The following TTC7A variants were observed in gnomAD, a reference collection of about 807,000 sequenced individuals.
TTC7A encodes the protein tetratricopeptide repeat domain 7A, also known as tetratricopeptide repeat protein 7A.
In TTC7A, 110 loss-of-function variants were observed where a neutral mutation model predicts 103.7. That is an observed-to-expected ratio of 1.06 (90% confidence interval 0.91 to 1.24). TTC7A has a LOEUF of 1.24. TTC7A is among the 50% of genes most tolerant of loss of function. The pLI is 0.00. For synonymous variants in TTC7A, 521 were observed against 467.9 expected, an observed-to-expected ratio of 1.11 and a Z score of -1.47; for missense variants, 1,340 against 1,116.3, an observed-to-expected ratio of 1.20 and a Z score of -2.86.
chr2:47,057,855 C>G (rs1683445283), intron 18 of TTC7A, among the ~76,000 whole-genome samples: 1 of 152,216 alleles, frequency 6.6e-6, no homozygotes, highest in African/African-American at 2.4e-5. Flanking sequence ...GACCTAGCCC[C>G]TCTTGAGTGC....
intron 2 of TTC7A, among the ~76,000 whole-genome samples, chr2:46,924,139 G>C (rs1469513877): frequency 1.3e-5 from 2 of 151,564 alleles, no homozygotes; most frequent in African/African-American, 4.9e-5. Flanking sequence ...AGGAAGTCAA[G>C]GCTGCAGTGA....
intron 15 of TTC7A, among the ~76,000 whole-genome samples, chr2:47,033,501 G>T (rs1339707308): frequency 6.6e-6 from 1 of 152,238 alleles, no homozygotes; most frequent in African/African-American, 2.4e-5. Flanking sequence ...TGCCACAGGG[G>T]AGGAAACTGG....
rs189285466 is a variant in TTC7A, at chr2:47,046,889, C to T, written c.1919+458C>T. 27 of 237,622 alleles carry T rather than the reference C, an allele frequency of 1.1e-4. No individual in the cohort carries two copies. The East Asian group carries it at 2.0e-3, about 17-fold the overall frequency. The allele number at this position is 237,622 out of a possible 1,614,324, so 14.7% of individuals were successfully genotyped here. On this transcript the variant is annotated intron_variant, in intron 16 of 19. Coordinates refer to ENST00000319190, the MANE Select transcript of TTC7A (RefSeq NM_020458.4). ...TCTCCTGAGTTCCAGCCCATGGAGCCTGTCACTTCTTTCCTCATTCCATTT... is the reference window on the plus strand; with the variant it reads ...TCTCCTGAGTTCCAGCCCATGGAGCTTGTCACTTCTTTCCTCATTCCATTT...
At chr2:47,016,875 A>G (rs1180950751) in intron 11 of TTC7A, among the ~76,000 whole-genome samples, 2 of 152,122 alleles carry the variant, frequency 1.3e-5, no homozygotes, top group Non-Finnish European at 2.9e-5. Context: ...GGTGGGGCCC[A>G]TTAGTGGGCT....
chr2:46,950,879 C>CT (rs2103969912), intron 2 of TTC7A, among the ~76,000 whole-genome samples: 1 of 152,124 alleles, frequency 6.6e-6, no homozygotes, highest in South Asian at 2.1e-4. Context: ...CACCTTTTAC[C>CT]TTTTTCAGTG....
intron 2 of TTC7A, among the ~76,000 whole-genome samples, chr2:46,918,817 G>T (rs1471081069): frequency 6.6e-6 from 1 of 152,178 alleles, no homozygotes; most frequent in Non-Finnish European, 1.5e-5. Context: ...TTCAAGAGAA[G>T]GGCAACTCTA....
chr2:46,993,017 C>T (rs1243113939), intron 5 of TTC7A, among the ~76,000 whole-genome samples: 1 of 152,198 alleles, frequency 6.6e-6, no homozygotes, highest in Non-Finnish European at 1.5e-5. Context: ...GGCAGGCCAG[C>T]CTGGGGCCAT....
chr2:47,045,249 A>G (rs1573013129), intron 15 of TTC7A, among the ~76,000 whole-genome samples: 2 of 152,332 alleles, frequency 1.3e-5, no homozygotes, highest in South Asian at 4.1e-4. Flanking sequence ...TGGTTGCTGT[A>G]TAGCCACTGC....
chr2:47,010,728 C>T lies in TTC7A; in HGVS notation c.1288-603C>T, dbSNP rs145898595. Among the ~76,000 whole-genome samples the T allele has an allele frequency of 4.5e-3, 681 of 152,318 alleles. 7 individuals carry two copies. The highest frequency in any genetic ancestry group is 0.015 in the African/African-American group (629 of 41,554). On this transcript the variant is annotated intron_variant, in intron 10 of 19. Coordinates refer to ENST00000319190, the MANE Select transcript of TTC7A (RefSeq NM_020458.4). Reference sequence around the variant, plus strand: ...TTTGTTTGTTTGTTTGAGACACAGTCTCACTGTGTCACCCAGGCTGGAGTG... The same window carrying T: ...TTTGTTTGTTTGTTTGAGACACAGTTTCACTGTGTCACCCAGGCTGGAGTG...
At position 46,974,987 on chromosome 2, in the gene TTC7A, C is replaced by A; in HGVS notation, c.532C>A (p.Arg178Ser). The A allele has an allele frequency of 6.2e-7, 1 of 1,613,836 alleles. No individual in the cohort carries two copies. Among genetic ancestry groups the A allele is most frequent in the Non-Finnish European group, 8.5e-7 (1 of 1,179,840 alleles). Residue 178 changes from arginine (R) to serine (S), a missense_variant, in exon 4 of 20, where the codon CGC becomes AGC. By Grantham distance (110) the Arg-to-Ser change is moderately radical. Transcript: ENST00000319190. ...AFVIKGLSLE[R>S]LPNSIASRFR... ...TCCTCCCGCAGGCCTCTCTCTGGAACGCCTACCCAACTCCATCGCCTCCCG... is the reference window on the plus strand; with the variant it reads ...TCCTCCCGCAGGCCTCTCTCTGGAAAGCCTACCCAACTCCATCGCCTCCCG...
At chr2:46,950,935 T>G (rs1671353950) in intron 2 of TTC7A, among the ~76,000 whole-genome samples, 1 of 152,252 alleles carries the variant, frequency 6.6e-6, no homozygotes, top group Non-Finnish European at 1.5e-5. Flanking sequence ...ACACATGTGG[T>G]TCACATTTGT....
intron 11 of TTC7A, among the ~76,000 whole-genome samples, chr2:47,011,702 T>C (rs1463269090): frequency 6.6e-6 from 1 of 152,136 alleles, no homozygotes; most frequent in Admixed American, 6.6e-5. Flanking sequence ...GAAGTAGAGG[T>C]GTTCCCCACC....
intron 19 of TTC7A, 52 bp from the exon 20 acceptor site, chr2:47,073,650 T>C: frequency 6.5e-7 from 1 of 1,543,422 alleles, no homozygotes; most frequent in Non-Finnish European, 8.9e-7. Flanking sequence ...GTTGCCAAGA[T>C]GCCTGTGCCA....
intron 2 of TTC7A, among the ~76,000 whole-genome samples, chr2:46,951,892 G>A (rs2103977563): frequency 6.6e-6 from 1 of 152,322 alleles, no homozygotes; most frequent in African/African-American, 2.4e-5. Context: ...CAAGTAAATA[G>A]CCTTCCTCCA....
At chr2:46,929,817 C>T (rs1210157890) in intron 2 of TTC7A, among the ~76,000 whole-genome samples, 2 of 152,218 alleles carry the variant, frequency 1.3e-5, no homozygotes, top group African/African-American at 4.8e-5. Context: ...ATTTCTTCCT[C>T]TGGTCAGTGG....
At chr2:46,917,421 T>G (rs1353198340) in intron 2 of TTC7A, 1 of 564,828 alleles carries the variant, frequency 1.8e-6, no homozygotes, top group Non-Finnish European at 3.1e-6. Context: ...TTCATCCATC[T>G]CTTCATCCAT....
At chr2:47,003,882 T>TG (rs1479470874) in intron 8 of TTC7A, among the ~76,000 whole-genome samples, 1 of 152,200 alleles carries the variant, frequency 6.6e-6, no homozygotes, top group Non-Finnish European at 1.5e-5. Flanking sequence ...CTGGAGGTGG[T>TG]GGAGTGGGTC....
At chr2:47,051,360 AT>A (rs1318738878) in intron 17 of TTC7A, among the ~76,000 whole-genome samples, 1 of 152,050 alleles carries the variant, frequency 6.6e-6, no homozygotes, top group Non-Finnish European at 1.5e-5. Context: ...CTGTATTTGT[AT>A]TTTGTTATTT....
rs369333848 is a variant in TTC7A, at chr2:47,042,647, A to G, written c.1803-3668A>G. Among the ~76,000 whole-genome samples, 14 of 151,932 alleles carry G rather than the reference A, an allele frequency of 9.2e-5. No homozygotes were observed. In the South Asian group the frequency reaches 2.9e-3, roughly 32 times the overall value. ...GCATATTCTGGTCTCAAACAGTCAT[A>G]TTTTAGGGTGGTGTGTCCTGAGCCC... On this transcript the variant is annotated intron_variant, in intron 15 of 19. Coordinates refer to ENST00000319190, the MANE Select transcript of TTC7A (RefSeq NM_020458.4).
Sources: gnomAD v4.1 joint callset for allele counts (sites outside exome capture counted in the v4.1 genomes callset) on GRCh38, gnomAD v4.1.1 for gene constraint, MANE v1.5 for transcripts, NCBI Gene and HGNC (gene_info 2026-07-23, HGNC 2026-07-21) for gene names.